CAMK2D: variants seen among roughly 807,000 people sequenced by gnomAD.
CAMK2D encodes the protein calcium/calmodulin dependent protein kinase II delta, also known as calcium/calmodulin-dependent protein kinase type II subunit delta.
Under a neutral mutation model 84.0 loss-of-function variants are expected in CAMK2D, and 37 were observed. The observed-to-expected ratio is 0.44, with a 90% CI of 0.34 to 0.58. CAMK2D has a LOEUF of 0.58. CAMK2D is among the 20% of genes least tolerant of loss of function. CAMK2D has a pLI of 0.02. For missense variants in CAMK2D, 448 were observed against 652.5 expected, an observed-to-expected ratio of 0.69 and a Z score of 3.41; for synonymous variants, 202 against 212.5, an observed-to-expected ratio of 0.95 and a Z score of 0.43.
intron 2 of CAMK2D, among the ~76,000 whole-genome samples, chr4:113,691,799 G>C (rs1264267001): frequency 1.3e-5 from 2 of 152,026 alleles, no homozygotes; most frequent in African/African-American, 4.8e-5. Context: ...GTTTCTGAAT[G>C]GTTGAGGAAA....
At chr4:113,580,846 T>C (rs2098804835) in intron 4 of CAMK2D, among the ~76,000 whole-genome samples, 1 of 148,270 alleles carries the variant, frequency 6.7e-6, no homozygotes, top group African/African-American at 2.5e-5. Flanking sequence ...TTAAAAGCTA[T>C]ACTATAGTAT....
At chr4:113,589,454 C>A (rs952649302) in intron 4 of CAMK2D, among the ~76,000 whole-genome samples, 3 of 152,068 alleles carry the variant, frequency 2.0e-5, no homozygotes, top group Non-Finnish European at 2.9e-5. Context: ...ATGAGTAAGG[C>A]AGTATGGCTG....
At chr4:113,725,005 A>G (rs1013231147) in intron 2 of CAMK2D, among the ~76,000 whole-genome samples, 3 of 152,028 alleles carry the variant, frequency 2.0e-5, no homozygotes, top group Non-Finnish European at 2.9e-5. Context: ...ATTTAGCTAT[A>G]AAGATCGTTT....
intron 4 of CAMK2D, among the ~76,000 whole-genome samples, chr4:113,590,567 A>G (rs1409273625): frequency 2.0e-5 from 3 of 152,328 alleles, no homozygotes; most frequent in Non-Finnish European, 4.4e-5. Context: ...ACAGCAAAGA[A>G]GAAAGATGAA....
chr4:113,466,852 G>C (rs996798254), intron 16 of CAMK2D, among the ~76,000 whole-genome samples: 2 of 152,074 alleles, frequency 1.3e-5, no homozygotes, highest in Non-Finnish European at 2.9e-5. Context: ...ACCTTCTTTA[G>C]TTTAAAACAC....
chr4:113,681,084 G>T (rs900757566), intron 2 of CAMK2D, among the ~76,000 whole-genome samples: 1 of 152,124 alleles, frequency 6.6e-6, no homozygotes, highest in African/African-American at 2.4e-5. Context: ...ATTTACTGAA[G>T]CAAATATTGT....
At chr4:113,457,065 G>A in intron 19 of CAMK2D, 1 of 634,082 alleles carries the variant, frequency 1.6e-6, no homozygotes, top group Non-Finnish European at 2.3e-6. Context: ...AAGTCCTCTA[G>A]ATTTAACCCT....
chr4:113,569,220 A>G (rs1391448190), intron 4 of CAMK2D, among the ~76,000 whole-genome samples: 1 of 152,110 alleles, frequency 6.6e-6, no homozygotes, highest in Non-Finnish European at 1.5e-5. Flanking sequence ...TTTGATGCAT[A>G]AAAGGTTTTT....
rs372464406 is a variant in CAMK2D at position 113,746,422 on chromosome 4, CTCTT to C, written c.160+12894_160+12897del. On this transcript the variant is annotated intron_variant, in intron 2 of 20. Coordinates refer to ENST00000511664, the MANE Select transcript of CAMK2D (RefSeq NM_001321571.2). ...GCCACCCCTGTTCATGCCTCAGAGC[CTCTT>C]TATTATTTTATCTTATTGGGAGATT... Among the ~76,000 whole-genome samples the C allele has an allele frequency of 1.1e-4, 17 of 152,142 alleles. 1 individual carries two copies. In the South Asian group the frequency reaches 1.2e-3, roughly 11 times the overall value.
chr4:113,503,889 G>C (rs200637421), intron 14 of CAMK2D, among the ~76,000 whole-genome samples: 1 of 152,116 alleles, frequency 6.6e-6, no homozygotes, highest in Non-Finnish European at 1.5e-5. Context: ...GCAATGGGGA[G>C]GTACTGCAAC....
intron 4 of CAMK2D, among the ~76,000 whole-genome samples, chr4:113,580,715 T>C (rs959193344): frequency 2.0e-5 from 3 of 152,136 alleles, no homozygotes; most frequent in African/African-American, 7.2e-5. Flanking sequence ...TGTAAAATCA[T>C]GATAATAATG....
chr4:113,472,807 T>G (rs2097562295), intron 16 of CAMK2D, among the ~76,000 whole-genome samples: 1 of 152,218 alleles, frequency 6.6e-6, no homozygotes, highest in Admixed American at 6.5e-5. Flanking sequence ...TAGCAACAAT[T>G]TTTGTATCAT....
intron 4 of CAMK2D, among the ~76,000 whole-genome samples, chr4:113,584,419 A>G (rs2098824687): frequency 6.6e-6 from 1 of 152,218 alleles, no homozygotes; most frequent in South Asian, 2.1e-4. Context: ...CCCGATGATG[A>G]GGAGAGAAAA....
At chr4:113,561,042 CA>C (rs1025436512) in intron 4 of CAMK2D, among the ~76,000 whole-genome samples, 5 of 152,084 alleles carry the variant, frequency 3.3e-5, no homozygotes, top group Non-Finnish European at 5.9e-5. Flanking sequence ...GAGACATGAA[CA>C]CCTAGGAAGA....
intron 3 of CAMK2D, among the ~76,000 whole-genome samples, chr4:113,637,981 C>A (rs1365202258): frequency 6.6e-6 from 1 of 152,166 alleles, no homozygotes; most frequent in African/African-American, 2.4e-5. Flanking sequence ...CTTAACCAAA[C>A]ATATAGCTCT....
intron 16 of CAMK2D, among the ~76,000 whole-genome samples, chr4:113,483,412 T>G (rs902851312): frequency 6.6e-6 from 1 of 151,760 alleles, no homozygotes; most frequent in Non-Finnish European, 1.5e-5. Flanking sequence ...TATGCTTCTT[T>G]TTTTTTTTTT....
chr4:113,606,067 CT>C (rs1174515359), intron 4 of CAMK2D, among the ~76,000 whole-genome samples: 3 of 151,970 alleles, frequency 2.0e-5, no homozygotes, highest in African/African-American at 7.3e-5. Flanking sequence ...TCAGAGAGCA[CT>C]TATGAACACA....
At chr4:113,605,195 C>G (rs1489567620) in intron 4 of CAMK2D, among the ~76,000 whole-genome samples, 1 of 152,192 alleles carries the variant, frequency 6.6e-6, no homozygotes, top group African/African-American at 2.4e-5. Context: ...ACAGATCTTA[C>G]TAAAATAGCC....
rs769117708 is a variant in CAMK2D at position 113,735,289 on chromosome 4, GAAAAAAAAAAAAAAAAAAAAA to G, written c.160+24010_160+24030del. ...CAACATGGCAAAACCATCTCTACAGGAAAAAAAAAAAAAAAAAAAAAAAAAAAAAAAAAAAATTAGCTGGGC... is the reference window on the plus strand; with the variant it reads ...CAACATGGCAAAACCATCTCTACAGGAAAAAAAAAAAAAAATTAGCTGGGC... On this transcript the variant is annotated intron_variant, in intron 2 of 20. Coordinates refer to ENST00000511664, the MANE Select transcript of CAMK2D (RefSeq NM_001321571.2). Among the ~76,000 whole-genome samples, 14 of 44,766 alleles carry G rather than the reference GAAAAAAAAAAAAAAAAAAAAA, an allele frequency of 3.1e-4. No homozygotes were observed. The South Asian group carries it at 5.7e-3, about 18-fold the overall frequency. The allele number at this position is 44,766 out of a possible 152,430, so 29.4% of individuals were successfully genotyped here. A position where few individuals can be genotyped will look rare whatever the true frequency, so the allele number is the denominator to read the frequency against.
Sources: gnomAD v4.1 joint callset for allele counts (sites outside exome capture counted in the v4.1 genomes callset) on GRCh38, gnomAD v4.1.1 for gene constraint, MANE v1.5 for transcripts, NCBI Gene and HGNC (gene_info 2026-07-23, HGNC 2026-07-21) for gene names.